The following ARMH4 variants were observed in gnomAD, a reference collection of about 807,000 sequenced individuals.
The protein encoded by ARMH4 is armadillo-like helical domain-containing protein 4.
A neutral mutation model predicts 61.9 loss-of-function variants in ARMH4; 49 were observed. The observed-to-expected ratio is 0.79, with a 90% confidence interval of 0.63 to 1.00. The LOEUF is 1.00. ARMH4 is among the 50% of genes least tolerant of loss of function. The probability of loss-of-function intolerance (pLI) is 0.00; values close to 1 mark genes in which losing one functional copy is unlikely to be tolerated. For missense variants in ARMH4, 934 were observed against 930.0 expected (o/e 1.00, Z -0.06); for synonymous variants, 368 against 341.5 (o/e 1.08, Z -0.85).
chr14:58,103,081 C>T (rs936763675), intron 4 of ARMH4, among the ~76,000 whole-genome samples: 1 of 151,074 alleles, frequency 6.6e-6, no homozygotes, highest in African/African-American at 2.4e-5. Flanking sequence ...TGCAGTGAGC[C>T]GAGATCGCAC....
chr14:58,006,816 A>G (rs28429015), intron 6 of ARMH4, among the ~76,000 whole-genome samples: 85,774 of 150,460 alleles, frequency 0.57, 24,600 homozygotes, highest in East Asian at 0.67. Flanking sequence ...TGTAAATGAC[A>G]AGTTAACGGG....
chr14:58,113,416 C>CA (rs1371990464), intron 4 of ARMH4, among the ~76,000 whole-genome samples: 2 of 152,140 alleles, frequency 1.3e-5, no homozygotes, highest in Non-Finnish European at 2.9e-5. Context: ...TTCAAATAAT[C>CA]AGTGTTACTG....
intron 1 of ARMH4, among the ~76,000 whole-genome samples, chr14:58,151,662 A>G (rs1022559651): frequency 6.6e-6 from 1 of 152,226 alleles, no homozygotes; most frequent in Non-Finnish European, 1.5e-5. Flanking sequence ...GAAAGGAGTA[A>G]ACCGTTGTTT....
At chr14:58,119,419 C>T (rs1012942157) in intron 4 of ARMH4, among the ~76,000 whole-genome samples, 17 of 152,300 alleles carry the variant, frequency 1.1e-4, no homozygotes, top group African/African-American at 3.8e-4. Context: ...TATGTCTATC[C>T]TCATATTGAA....
At chr14:58,150,484 TC>T (rs1887885371) in intron 1 of ARMH4, among the ~76,000 whole-genome samples, 1 of 152,230 alleles carries the variant, frequency 6.6e-6, no homozygotes, top group African/African-American at 2.4e-5. Context: ...AAACCCGTTT[TC>T]CTCATTTTGA....
chr14:58,082,799 A>C (rs1019253289), intron 5 of ARMH4, among the ~76,000 whole-genome samples: 1 of 152,166 alleles, frequency 6.6e-6, no homozygotes, highest in African/African-American at 2.4e-5. Context: ...CTTCCTTGAG[A>C]AAGTCCACCC....
At chr14:58,008,653 T>C (rs554762841) in intron 6 of ARMH4, among the ~76,000 whole-genome samples, 36 of 152,326 alleles carry the variant, frequency 2.4e-4, no homozygotes, top group African/African-American at 8.4e-4. Context: ...AACTCCAGCA[T>C]GGATCAGGAA....
chr14:58,090,910 GA>G lies in ARMH4; in HGVS notation c.2089+5813del, dbSNP rs1566575364. ...AAAAAAAAAAAGAAAGAAAAGAAAAGAAAAAAAAGAAAGAAGCACAGTGGGC... is the reference window on the plus strand; with the variant it reads ...AAAAAAAAAAAGAAAGAAAAGAAAAGAAAAAAAGAAAGAAGCACAGTGGGC... On this transcript the variant is annotated intron_variant, in intron 5 of 7. Transcript: ENST00000267485. Among the ~76,000 whole-genome samples the G allele has an allele frequency of 1.0e-4, 15 of 145,736 alleles. 1 individual carries two copies. Among genetic ancestry groups the G allele is most frequent in the Non-Finnish European group, 2.0e-4 (13 of 66,396 alleles).
chr14:58,122,767 A>T (rs943059582), intron 4 of ARMH4, among the ~76,000 whole-genome samples: 2 of 152,214 alleles, frequency 1.3e-5, no homozygotes, highest in South Asian at 2.1e-4. Flanking sequence ...AAGATTGTCC[A>T]AATAGAAGTA....
chr14:58,011,729 C>T lies in ARMH4; in HGVS notation c.2121+390G>A, dbSNP rs147481785. 1.7e-3 allele frequency among the ~76,000 whole-genome samples: 252 copies of T among 146,068 alleles called. 5 individuals carry two copies. The East Asian group carries it at 0.031, about 18-fold the overall frequency. ...AATCAATACCTACTAAGTGGCAGCA[C>T]TGTGATAAACTACACACCTAGAGAG... On this transcript the variant is annotated intron_variant, in intron 6 of 7. Coordinates refer to ENST00000267485, the MANE Select transcript of ARMH4 (RefSeq NM_001001872.4).
chr14:58,132,441 T>G (rs1887139364), intron 3 of ARMH4, among the ~76,000 whole-genome samples: 1 of 150,960 alleles, frequency 6.6e-6, no homozygotes, highest in Non-Finnish European at 1.5e-5. Context: ...CAAATTCAGG[T>G]CCATGCTTTT....
chr14:58,024,525 A>C (rs1007691675), intron 5 of ARMH4, among the ~76,000 whole-genome samples: 2 of 152,170 alleles, frequency 1.3e-5, no homozygotes, highest in African/African-American at 4.8e-5. Flanking sequence ...ATCAGCAGTA[A>C]GGTTGTTTCT....
chr14:58,151,005 T>C (rs1369510820), intron 1 of ARMH4, among the ~76,000 whole-genome samples: 1 of 152,218 alleles, frequency 6.6e-6, no homozygotes, highest in Non-Finnish European at 1.5e-5. Context: ...GCATGTGAAT[T>C]CTGACCACTC....
intron 4 of ARMH4, among the ~76,000 whole-genome samples, chr14:58,112,919 T>G (rs1886401070): frequency 6.6e-6 from 1 of 152,214 alleles, no homozygotes; most frequent in South Asian, 2.1e-4. Context: ...CAGATTTCTC[T>G]CTTTGTCTTC....
At position 58,025,456 on chromosome 14, in the gene ARMH4, A is replaced by G. The variant is rs533983931; in HGVS notation, c.2090-13306T>C. Among the ~76,000 whole-genome samples, 8 of 152,292 alleles carry G rather than the reference A, an allele frequency of 5.3e-5. No individual in the cohort carries two copies. In the South Asian group the frequency reaches 1.5e-3, roughly 28 times the overall value. On this transcript the variant is annotated intron_variant, in intron 5 of 7. Coordinates refer to ENST00000267485, the MANE Select transcript of ARMH4 (RefSeq NM_001001872.4). ...GGAAACCTGATTGTTATCTTAATCAATGAAAAGAGAAATGCATGCTCCATC... is the reference window on the plus strand; with the variant it reads ...GGAAACCTGATTGTTATCTTAATCAGTGAAAAGAGAAATGCATGCTCCATC...
chr14:58,096,774 G>C lies in ARMH4; in HGVS notation c.2039C>G (p.Thr680Ser). Reference protein sequence around the residue: ...EGNMDLLEGATYQVPDALEWE... With the variant: ...EGNMDLLEGASYQVPDALEWE... ...CTCGAGGGCATCTGGCACCTGGTAGGTAGCTCCCTCCAACAGGTCCATGTT... is the reference window on the plus strand; with the variant it reads ...CTCGAGGGCATCTGGCACCTGGTAGCTAGCTCCCTCCAACAGGTCCATGTT... Residue 680 changes from threonine to serine, a missense_variant, in exon 5 of 8, where the codon ACC becomes AGC. Coordinates refer to ENST00000267485, the MANE Select transcript of ARMH4 (RefSeq NM_001001872.4). The C allele has an allele frequency of 6.2e-7, 1 of 1,614,058 alleles. No individual in the cohort carries two copies. The highest frequency in any genetic ancestry group is 8.5e-7 in the Non-Finnish European group (1 of 1,180,022).
chr14:58,010,931 T>A (rs1882385981), intron 6 of ARMH4, among the ~76,000 whole-genome samples: 1 of 150,834 alleles, frequency 6.6e-6, no homozygotes, highest in Non-Finnish European at 1.5e-5. Context: ...AAATCCTGTT[T>A]AATTTTCATT....
intron 5 of ARMH4, among the ~76,000 whole-genome samples, chr14:58,090,532 G>T (rs186381441): frequency 6.6e-6 from 1 of 152,016 alleles, no homozygotes; most frequent in Admixed American, 6.6e-5. Flanking sequence ...AGCCAAGCAG[G>T]GGCATGATAT....
chr14:58,141,585 C>T, intron 1 of ARMH4: 1 of 488,838 alleles, frequency 2.0e-6, no homozygotes, highest in Non-Finnish European at 4.0e-6. Flanking sequence ...GCTATGCTTG[C>T]CTGCACCCCG....
Sources: gnomAD v4.1 joint callset for allele counts (sites outside exome capture counted in the v4.1 genomes callset) on GRCh38, gnomAD v4.1.1 for gene constraint, MANE v1.5 for transcripts, NCBI Gene and HGNC (gene_info 2026-07-23, HGNC 2026-07-21) for gene names.